The following CCDC192 variants were observed in gnomAD, a reference collection of about 807,000 sequenced individuals.
CCDC192 encodes the protein coiled-coil domain containing 192.
intron 2 of CCDC192, among the ~76,000 whole-genome samples, chr5:127,738,697 A>T (rs1054235373): frequency 1.3e-5 from 2 of 151,922 alleles, no homozygotes; most frequent in African/African-American, 4.8e-5. Context: ...TCCATTGCTG[A>T]TACCCTTTCT....
chr5:127,735,783 C>A (rs1309016945), intron 2 of CCDC192, among the ~76,000 whole-genome samples: 3 of 132,072 alleles, frequency 2.3e-5, no homozygotes, highest in Non-Finnish European at 4.6e-5. Context: ...GATTTTGTAT[C>A]CTGAGACTTT....
At chr5:127,753,679 C>G (rs1490110704) in intron 2 of CCDC192, among the ~76,000 whole-genome samples, 1 of 143,272 alleles carries the variant, frequency 7.0e-6, no homozygotes, top group East Asian at 2.0e-4. Flanking sequence ...AAGAGCAAAA[C>G]TCTGCCTGGA....
rs368774402 is a variant in CCDC192 at position 127,724,764 on chromosome 5, G to A, written c.114+17004G>A. On this transcript the variant is annotated intron_variant, in intron 2 of 6. Transcript: ENST00000514853. ...CCTGGGAGGCTGAGACAGCAGAATC[G>A]CTTGAACCTGGGAGGCGGAGGTTGC... is the stretch of plus-strand genomic sequence containing the variant. Among the ~76,000 whole-genome samples the A allele has an allele frequency of 2.0e-4, 30 of 150,556 alleles. No homozygotes were observed. The South Asian group carries it at 2.9e-3, about 15-fold the overall frequency.
At chr5:127,717,925 A>G (rs1751716624) in intron 2 of CCDC192, among the ~76,000 whole-genome samples, 1 of 113,308 alleles carries the variant, frequency 8.8e-6, no homozygotes, top group Middle Eastern at 4.7e-3. Flanking sequence ...ATATAAAGCT[A>G]GACAAAAAAA....
At chr5:127,727,496 G>C (rs913838969) in intron 2 of CCDC192, among the ~76,000 whole-genome samples, 1 of 151,510 alleles carries the variant, frequency 6.6e-6, no homozygotes, top group Non-Finnish European at 1.5e-5. Context: ...AAAATCAAAA[G>C]AAAAGAAAAA....
Position 127,941,188 on chromosome 5 carries a change from G to C in CCDC192, c.542G>C (p.Ser181Thr). 1 of 399,098 alleles carries C rather than the reference G, an allele frequency of 2.5e-6. No homozygotes were observed. Among genetic ancestry groups the C allele is most frequent in the Non-Finnish European group, 4.4e-6 (1 of 226,072 alleles). 24.7% of individuals were successfully genotyped at this position (399,098 alleles called of 1,614,324 possible). ...CTTTTCTTGTTTGCTTTAGAAGACAGCTTGCTGGAAGGGTTCTGTGGAGGT... is the reference window on the plus strand; with the variant it reads ...CTTTTCTTGTTTGCTTTAGAAGACACCTTGCTGGAAGGGTTCTGTGGAGGT... Reference protein sequence around the residue: ...YEGKPAPREDSLLEGFCGGLP... With the variant: ...YEGKPAPREDTLLEGFCGGLP... The change falls in exon 7 of 7, where the codon AGC becomes ACC. Residue 181 changes from serine to threonine, a missense_variant. Ser to Thr is a moderately conservative substitution (Grantham distance 58, BLOSUM62 1). Transcript: ENST00000514853.
At chr5:127,736,586 G>A (rs1464798898) in intron 2 of CCDC192, among the ~76,000 whole-genome samples, 1 of 151,856 alleles carries the variant, frequency 6.6e-6, no homozygotes, top group Admixed American at 6.5e-5. Context: ...GTAAGCTATT[G>A]ATCATTGCCA....
At chr5:127,778,388 C>G (rs191412476) in intron 3 of CCDC192, among the ~76,000 whole-genome samples, 1 of 152,140 alleles carries the variant, frequency 6.6e-6, no homozygotes, top group African/African-American at 2.4e-5. Flanking sequence ...TATTTTTCCT[C>G]TATTCTATCA....
chr5:127,921,916 T>G lies in CCDC192; in HGVS notation c.536-19266T>G, dbSNP rs1462260201. Among the ~76,000 whole-genome samples the G allele has an allele frequency of 7.2e-5, 11 of 152,226 alleles. 1 individual carries two copies. The highest frequency in any genetic ancestry group is 7.2e-4 in the Admixed American group (11 of 15,286). Reference sequence around the variant, plus strand: ...TAGCCATGCTGGAAATGCTGACACTTCTGTCATTAAACATTGTCGTGCACT... The same window carrying G: ...TAGCCATGCTGGAAATGCTGACACTGCTGTCATTAAACATTGTCGTGCACT... On this transcript the variant is annotated intron_variant, in intron 6 of 6. Coordinates refer to ENST00000514853, the MANE Select transcript of CCDC192 (RefSeq NM_001317938.2).
intron 5 of CCDC192, among the ~76,000 whole-genome samples, chr5:127,862,067 C>T (rs978150138): frequency 6.6e-6 from 1 of 152,128 alleles, no homozygotes; most frequent in Admixed American, 6.5e-5. Flanking sequence ...AGTGCTGGAG[C>T]ATTGAATGAC....
chr5:127,749,107 C>T (rs1753965799), intron 2 of CCDC192, among the ~76,000 whole-genome samples: 2 of 152,202 alleles, frequency 1.3e-5, no homozygotes, highest in African/African-American at 2.4e-5. Flanking sequence ...CCTTTATTTC[C>T]TTCTCCTGCC....
intron 3 of CCDC192, among the ~76,000 whole-genome samples, chr5:127,759,467 C>T (rs1754791915): frequency 6.6e-6 from 1 of 152,290 alleles, no homozygotes; most frequent in South Asian, 2.1e-4. Context: ...AAGCTGCCAT[C>T]TGTGAACCAG....
chr5:127,709,224 AG>A, intron 2 of CCDC192, among the ~76,000 whole-genome samples: 2 of 23,524 alleles, frequency 8.5e-5, no homozygotes, highest in African/African-American at 1.8e-4. Context: ...AGAGAGAGAG[AG>A]AGAGAGAGAG....
At chr5:127,829,514 A>G (rs1749688790) in intron 5 of CCDC192, among the ~76,000 whole-genome samples, 1 of 152,154 alleles carries the variant, frequency 6.6e-6, no homozygotes, top group African/African-American at 2.4e-5. Context: ...AATCAAAGAG[A>G]AAAGAATAGC....
intron 5 of CCDC192, among the ~76,000 whole-genome samples, chr5:127,811,578 G>T (rs185867540): frequency 6.6e-6 from 1 of 152,056 alleles, no homozygotes; most frequent in African/African-American, 2.4e-5. Flanking sequence ...TTTTGTTCGC[G>T]AATGTGAAGA....
At chr5:127,855,469 A>G (rs1751022979) in intron 5 of CCDC192, among the ~76,000 whole-genome samples, 1 of 152,164 alleles carries the variant, frequency 6.6e-6, no homozygotes, top group South Asian at 2.1e-4. Flanking sequence ...AACCCATCAA[A>G]GTCATCCTTG....
At chr5:127,937,992 G>A (rs1315082963) in intron 6 of CCDC192, among the ~76,000 whole-genome samples, 1 of 152,114 alleles carries the variant, frequency 6.6e-6, no homozygotes. Flanking sequence ...AGGTTCCAAT[G>A]CACCCCCCTC....
At chr5:127,723,532 T>G (rs754354260) in intron 2 of CCDC192, among the ~76,000 whole-genome samples, 43 of 152,334 alleles carry the variant, frequency 2.8e-4, no homozygotes, top group Non-Finnish European at 5.0e-4. Flanking sequence ...CCATCAAAAT[T>G]AATCAGTCTG....
intron 6 of CCDC192, among the ~76,000 whole-genome samples, chr5:127,926,885 G>A (rs552062742): frequency 6.6e-6 from 1 of 152,304 alleles, no homozygotes; most frequent in South Asian, 2.1e-4. Flanking sequence ...CTGAGGAAAA[G>A]CTCACAGGGG....
Sources: allele counts gnomAD v4.1 joint callset (sites outside exome capture counted in the v4.1 genomes callset), GRCh38; gene constraint gnomAD v4.1.1; transcripts MANE v1.5; gene names NCBI Gene and HGNC (gene_info 2026-07-23, HGNC 2026-07-21).